Variants in RBFOX3 observed in about 807,000 individuals in gnomAD.
The protein encoded by RBFOX3 is RNA binding fox-1 homolog 3.
Under a neutral mutation model 48.7 loss-of-function variants are expected in RBFOX3, and 17 were observed. That is an observed-to-expected ratio of 0.35 (90% CI 0.24 to 0.52). RBFOX3 has a LOEUF of 0.52. Ranked by LOEUF, RBFOX3 falls within the 20% of genes least tolerant of loss-of-function variation. RBFOX3 has a pLI of 0.94. For synonymous variants in RBFOX3, 212 were observed against 209.5 expected, an observed-to-expected ratio of 1.01 and a Z score of -0.10; for missense variants, 382 against 497.5, an observed-to-expected ratio of 0.77 and a Z score of 2.21.
Position 79,304,441 on chromosome 17 carries a change from G to GTATA in RBFOX3, c.-74+3279_-74+3282dup, listed in dbSNP as rs34975610. ...TACATATATATTTTGATATATATGT[G>GTATA]TATATATATATAAATATATAGCATG... On this transcript the variant is annotated intron_variant, in intron 3 of 14. Transcript: ENST00000693108. Among the ~76,000 whole-genome samples, 10 of 148,702 alleles carry GTATA rather than the reference G, an allele frequency of 6.7e-5. No individual in the cohort carries two copies. The South Asian group carries it at 1.3e-3, about 19-fold the overall frequency.
intron 1 of RBFOX3, among the ~76,000 whole-genome samples, chr17:79,493,909 G>A (rs954404796): frequency 6.6e-6 from 1 of 152,126 alleles, no homozygotes; most frequent in African/African-American, 2.4e-5. Flanking sequence ...AACATAGCTG[G>A]GCTGGGGGAG....
chr17:79,227,520 C>A (rs902738878), intron 4 of RBFOX3, among the ~76,000 whole-genome samples: 2 of 152,232 alleles, frequency 1.3e-5, no homozygotes, highest in African/African-American at 4.8e-5. Context: ...ATGAGCAGGT[C>A]TCTGATGCCA....
intron 2 of RBFOX3, among the ~76,000 whole-genome samples, chr17:79,403,755 C>A (rs555075205): frequency 1.3e-5 from 2 of 152,122 alleles, no homozygotes; most frequent in African/African-American, 4.8e-5. Context: ...CAGGTTCCCC[C>A]AGCACAAGCT....
chr17:79,455,479 G>A (rs941449838), intron 2 of RBFOX3, among the ~76,000 whole-genome samples: 5 of 152,240 alleles, frequency 3.3e-5, no homozygotes, highest in Non-Finnish European at 4.4e-5. Flanking sequence ...AGGACTCCAC[G>A]GGAGCTGCCA....
chr17:79,094,749 G>T (rs934781788), intron 13 of RBFOX3, among the ~76,000 whole-genome samples: 1 of 143,492 alleles, frequency 7.0e-6, no homozygotes, highest in Non-Finnish European at 1.5e-5. Flanking sequence ...CTCTCAATAT[G>T]CCCACAGTGT....
intron 2 of RBFOX3, among the ~76,000 whole-genome samples, chr17:79,449,557 G>A (rs4790042): frequency 0.99 from 150,346 of 152,014 alleles, 74,368 homozygotes; most frequent in Middle Eastern, 1. Context: ...GCCAATTAAG[G>A]TCAGTTTTCA....
chr17:79,654,128 T>A, the RBFOX3 span, among the ~76,000 whole-genome samples: 1 of 152,168 alleles, frequency 6.6e-6, no homozygotes, highest in African/African-American at 2.4e-5. Flanking sequence ...TGTGGACGTA[T>A]ACAGCTTGCA....
intron 4 of RBFOX3, among the ~76,000 whole-genome samples, chr17:79,192,759 G>T (rs557480641): frequency 6.6e-6 from 1 of 152,174 alleles, no homozygotes; most frequent in African/African-American, 2.4e-5. Flanking sequence ...AAACAAGCAC[G>T]GGTGTCAGTG....
rs1430925884 is a variant in RBFOX3, at chr17:79,103,028, C to G, written c.507+134G>C. ...TGAGCACCCTGGCCTTAGTGCGACCCTTCCTCCCACCCCAGGGAACCCTGG... is the reference window on the plus strand; with the variant it reads ...TGAGCACCCTGGCCTTAGTGCGACCGTTCCTCCCACCCCAGGGAACCCTGG... On this transcript the variant is annotated intron_variant, in intron 8 of 14. Transcript: ENST00000693108. The surrounding 1 kb of genome is among the most constrained non-coding windows in gnomAD (Gnocchi z 6.1). 1.5e-5 allele frequency: 10 copies of G among 684,378 alleles called. No individual in the cohort carries two copies. In the Admixed American group the frequency reaches 1.6e-4, roughly 11 times the overall value. The allele number at this position is 684,378 out of a possible 1,614,324, so 42.4% of individuals were successfully genotyped here.
intron 1 of RBFOX3, among the ~76,000 whole-genome samples, chr17:79,497,627 C>G (rs1024244843): frequency 2.7e-4 from 41 of 152,292 alleles, no homozygotes; most frequent in Non-Finnish European, 2.9e-5. Flanking sequence ...GGAGTAAACA[C>G]GAAGCTCTAG....
At chr17:79,269,311 A>C (rs926550344) in intron 3 of RBFOX3, among the ~76,000 whole-genome samples, 1 of 152,128 alleles carries the variant, frequency 6.6e-6, no homozygotes, top group Admixed American at 6.5e-5. Flanking sequence ...TGGCCTCCAG[A>C]ACTGGGAGAG....
intron 1 of RBFOX3, among the ~76,000 whole-genome samples, chr17:79,555,054 C>T (rs1437522511): frequency 6.6e-6 from 1 of 152,214 alleles, no homozygotes; most frequent in Non-Finnish European, 1.5e-5. Flanking sequence ...GAGTGTCAGG[C>T]AGACTTGAGT....
chr17:79,511,358 A>T (rs1332137434), intron 1 of RBFOX3, among the ~76,000 whole-genome samples: 1 of 152,158 alleles, frequency 6.6e-6, no homozygotes, highest in African/African-American at 2.4e-5. Context: ...TCAGTGCCTA[A>T]TATGTGTCGG....
chr17:79,440,977 C>T (rs909819500), intron 2 of RBFOX3, among the ~76,000 whole-genome samples: 2 of 152,244 alleles, frequency 1.3e-5, no homozygotes, highest in Non-Finnish European at 2.9e-5. Flanking sequence ...GCCGCACAGG[C>T]TGGAAATGTC....
At chr17:79,245,158 C>T (rs1036680977) in intron 3 of RBFOX3, among the ~76,000 whole-genome samples, 10 of 151,956 alleles carry the variant, frequency 6.6e-5, no homozygotes, top group South Asian at 4.2e-4. Flanking sequence ...CTGCAAACTC[C>T]GCCTCTCAGG....
At chr17:79,113,890 C>G (rs1351821106) in intron 5 of RBFOX3, among the ~76,000 whole-genome samples, 1 of 152,176 alleles carries the variant, frequency 6.6e-6, no homozygotes, top group Non-Finnish European at 1.5e-5. Flanking sequence ...TTATGTGTGT[C>G]CTGGTAGGCT....
At chr17:79,610,210 C>G (rs2093939937) in intron 1 of RBFOX3, among the ~76,000 whole-genome samples, 1 of 152,082 alleles carries the variant, frequency 6.6e-6, no homozygotes, top group Non-Finnish European at 1.5e-5. Context: ...CCCCACAACT[C>G]CTTTGGGTCA....
At chr17:79,564,179 G>C (rs1020601937) in intron 1 of RBFOX3, among the ~76,000 whole-genome samples, 93,947 of 152,144 alleles carry the variant, frequency 0.62, 29,543 homozygotes, top group East Asian at 0.93. Flanking sequence ...TGCTCTCCCC[G>C]AAGCCCAAAC....
At chr17:79,474,051 C>T (rs1335850494) in intron 2 of RBFOX3, among the ~76,000 whole-genome samples, 2 of 152,118 alleles carry the variant, frequency 1.3e-5, no homozygotes, top group Admixed American at 1.3e-4. Flanking sequence ...TACAAATCCT[C>T]ACTCGTCCAT....
Sources: allele counts gnomAD v4.1 joint callset (sites outside exome capture counted in the v4.1 genomes callset), GRCh38; gene constraint gnomAD v4.1.1; non-coding constraint Gnocchi (gnomAD v3.1); transcripts MANE v1.5; gene names NCBI Gene and HGNC (gene_info 2026-07-23, HGNC 2026-07-21).